The following GNG12 variants were observed in gnomAD, a reference collection of about 807,000 sequenced individuals.
GNG12 encodes the protein guanine nucleotide-binding protein G(I)/G(S)/G(O) subunit gamma-12.
For synonymous variants in GNG12, 28 were observed against 29.7 expected (o/e 0.94, Z 0.19); for missense variants, 69 against 83.8 (o/e 0.82, Z 0.69).
intron 2 of GNG12, among the ~76,000 whole-genome samples, chr1:67,755,897 A>T (rs1366606315): frequency 6.6e-6 from 1 of 152,156 alleles, no homozygotes; most frequent in Non-Finnish European, 1.5e-5. Flanking sequence ...GTTTGTTTAT[A>T]TGACAGCCTT....
chr1:67,715,152 C>T (rs1025434161), intron 2 of GNG12, among the ~76,000 whole-genome samples: 8 of 152,056 alleles, frequency 5.3e-5, no homozygotes, highest in Non-Finnish European at 1.0e-4. Context: ...CTCCTGACCT[C>T]GTGATCCACC....
chr1:67,815,697 A>G (rs1646949675), intron 1 of GNG12, among the ~76,000 whole-genome samples: 1 of 152,108 alleles, frequency 6.6e-6, no homozygotes, highest in South Asian at 2.1e-4. Context: ...GACAGCCCAA[A>G]GGTAGGGCTC....
At chr1:67,727,560 C>T (rs1288301576) in intron 2 of GNG12, among the ~76,000 whole-genome samples, 1 of 152,180 alleles carries the variant, frequency 6.6e-6, no homozygotes, top group African/African-American at 2.4e-5. Flanking sequence ...GATGCATGTG[C>T]CTTCATGAGC....
At chr1:67,788,465 C>A (rs1374283682) in intron 1 of GNG12, among the ~76,000 whole-genome samples, 1 of 151,906 alleles carries the variant, frequency 6.6e-6, no homozygotes, top group East Asian at 1.9e-4. Flanking sequence ...TCCCTGGTAG[C>A]TGGGACTACA....
At chr1:67,722,737 A>G (rs1249419289) in intron 2 of GNG12, among the ~76,000 whole-genome samples, 56 of 152,310 alleles carry the variant, frequency 3.7e-4, no homozygotes, top group Non-Finnish European at 1.3e-4. Flanking sequence ...ATAAGGGAAC[A>G]CTGTGGGGAA....
At chr1:67,814,986 T>TG (rs1231586600) in intron 1 of GNG12, among the ~76,000 whole-genome samples, 18 of 152,206 alleles carry the variant, frequency 1.2e-4, no homozygotes, top group Non-Finnish European at 1.5e-5. Context: ...AAAACCAAGC[T>TG]GCACTTTTGA....
chr1:67,789,939 A>C (rs937769490), intron 1 of GNG12, among the ~76,000 whole-genome samples: 2 of 152,208 alleles, frequency 1.3e-5, no homozygotes, highest in Non-Finnish European at 2.9e-5. Flanking sequence ...GACTCCGCAG[A>C]ATAGTTTAGT....
chr1:67,739,699 G>A (rs1056489453), intron 2 of GNG12, among the ~76,000 whole-genome samples: 14 of 152,218 alleles, frequency 9.2e-5, no homozygotes, highest in Admixed American at 1.3e-4. Flanking sequence ...TCAGGGTTGA[G>A]GGAAGAGTTA....
chr1:67,752,829 T>C (rs908605629), intron 2 of GNG12, among the ~76,000 whole-genome samples: 2 of 152,244 alleles, frequency 1.3e-5, no homozygotes, highest in African/African-American at 2.4e-5. Flanking sequence ...ACAAATAATA[T>C]GGGATATCAT....
chr1:67,730,268 G>C (rs577749457), intron 2 of GNG12, among the ~76,000 whole-genome samples: 1 of 152,336 alleles, frequency 6.6e-6, no homozygotes, highest in Non-Finnish European at 1.5e-5. Flanking sequence ...ACAAGGTCAA[G>C]GCAGGCAGAT....
intron 1 of GNG12, among the ~76,000 whole-genome samples, chr1:67,823,627 G>A (rs572619878): frequency 1.3e-5 from 2 of 152,294 alleles, no homozygotes; most frequent in South Asian, 2.1e-4. Flanking sequence ...CTAAATTACC[G>A]TTGTGCAGAA....
intron 2 of GNG12, among the ~76,000 whole-genome samples, chr1:67,737,698 A>G (rs1025286195): frequency 6.6e-6 from 1 of 152,148 alleles, no homozygotes; most frequent in Non-Finnish European, 1.5e-5. Context: ...GAAAATACAT[A>G]ATAACAAGAA....
chr1:67,831,641 G>C (rs1647045701), intron 1 of GNG12, among the ~76,000 whole-genome samples: 1 of 152,174 alleles, frequency 6.6e-6, no homozygotes, highest in Admixed American at 6.5e-5. Context: ...TTAACTATTA[G>C]AGAAGGCAAA....
intron 2 of GNG12, among the ~76,000 whole-genome samples, chr1:67,742,941 C>G (rs1340728768): frequency 6.6e-6 from 1 of 151,954 alleles, no homozygotes; most frequent in East Asian, 1.9e-4. Flanking sequence ...AAGAAAAACA[C>G]TAAACATCTG....
chr1:67,751,765 G>C (rs1426057327), intron 2 of GNG12, among the ~76,000 whole-genome samples: 2 of 152,206 alleles, frequency 1.3e-5, no homozygotes, highest in Admixed American at 1.3e-4. Context: ...CTGGTGGAAA[G>C]AGTTATCATG....
intron 2 of GNG12, among the ~76,000 whole-genome samples, chr1:67,760,524 G>A (rs548258567): frequency 2.0e-5 from 3 of 152,140 alleles, no homozygotes; most frequent in Non-Finnish European, 4.4e-5. Flanking sequence ...TAAGACACAC[G>A]TTGCTCATGA....
At chr1:67,723,312 C>T (rs1646366541) in intron 2 of GNG12, among the ~76,000 whole-genome samples, 2 of 152,146 alleles carry the variant, frequency 1.3e-5, no homozygotes, top group Non-Finnish European at 2.9e-5. Context: ...GGAGCAGAGA[C>T]AGGCTGAGGG....
intron 1 of GNG12, among the ~76,000 whole-genome samples, chr1:67,808,262 T>C (rs2100805503): frequency 1.3e-5 from 2 of 152,192 alleles, no homozygotes; most frequent in Middle Eastern, 6.8e-3. Flanking sequence ...CATCTATTCA[T>C]GATTTTTTTT....
intron 2 of GNG12, among the ~76,000 whole-genome samples, chr1:67,762,201 A>G (rs1262617488): frequency 1.3e-5 from 2 of 152,186 alleles, no homozygotes; most frequent in African/African-American, 2.4e-5. Flanking sequence ...GGCTGTCCAC[A>G]GTAGGAACTG....
Sources: gnomAD v4.1 joint callset for allele counts (sites outside exome capture counted in the v4.1 genomes callset) on GRCh38, gnomAD v4.1.1 for gene constraint, MANE v1.5 for transcripts, NCBI Gene and HGNC (gene_info 2026-07-23, HGNC 2026-07-21) for gene names.